The following GRAMD1B variants were observed in gnomAD, a reference collection of about 807,000 sequenced individuals.
The protein encoded by GRAMD1B is protein Aster-B.
GRAMD1B carries 37 observed loss-of-function variants against 99.7 expected under a neutral mutation model. The ratio of observed to expected loss-of-function variants is 0.37; its 90% CI spans 0.29 to 0.49. GRAMD1B has a LOEUF of 0.49. Among genes scored for constraint, GRAMD1B ranks in the 20% least tolerant of loss-of-function variants. The pLI, the probability that GRAMD1B is intolerant of heterozygous loss-of-function variation, is 0.98. For synonymous variants in GRAMD1B, 427 were observed against 387.6 expected (o/e 1.10, Z -1.19); for missense variants, 888 against 1,009.2 (o/e 0.88, Z 1.63).
intron 4 of GRAMD1B, among the ~76,000 whole-genome samples, chr11:123,590,244 A>T (rs1008503442): frequency 5.9e-5 from 9 of 152,096 alleles, no homozygotes; most frequent in Admixed American, 4.6e-4. Context: ...CGTCTCCACC[A>T]CCAGCGTGTC....
chr11:123,368,275 A>AAAAAAAAG (rs60644137), intron 1 of GRAMD1B, among the ~76,000 whole-genome samples: 16 of 127,144 alleles, frequency 1.3e-4, no homozygotes, highest in African/African-American at 3.3e-4. Flanking sequence ...AAAAAAAAAA[A>AAAAAAAAG]AAAGAAAGAA....
At chr11:123,589,614 T>TTATATATA (rs71060517) in intron 4 of GRAMD1B, among the ~76,000 whole-genome samples, 3,657 of 128,176 alleles carry the variant, frequency 0.029, 78 homozygotes, top group East Asian at 0.044. Flanking sequence ...TGGCTAATTT[T>TTATATATA]TATATATATA....
chr11:123,619,001 A>T (rs1443148071), intron 18 of GRAMD1B, 106 bp from the exon 19 acceptor site: 1 of 716,022 alleles, frequency 1.4e-6, no homozygotes, highest in East Asian at 2.7e-5. Flanking sequence ...TGAGCAGAGG[A>T]CAAAGCACTC....
intron 3 of GRAMD1B, among the ~76,000 whole-genome samples, chr11:123,580,915 T>C (rs890876506): frequency 1.2e-4 from 18 of 151,780 alleles, no homozygotes; most frequent in African/African-American, 3.6e-4. Flanking sequence ...TTTTTTTTTT[T>C]CAAATCTAAT....
At chr11:123,526,559 C>T (rs1942774765) in intron 2 of GRAMD1B, among the ~76,000 whole-genome samples, 1 of 152,186 alleles carries the variant, frequency 6.6e-6, no homozygotes, top group Non-Finnish European at 1.5e-5. Context: ...TGCAGTTGTA[C>T]TCTTCCTTAG....
intron 2 of GRAMD1B, among the ~76,000 whole-genome samples, chr11:123,557,371 G>A (rs1301085785): frequency 2.0e-5 from 3 of 152,168 alleles, no homozygotes; most frequent in Non-Finnish European, 4.4e-5. Flanking sequence ...AGGGTAGCAG[G>A]CAAATAACAT....
chr11:123,605,873 T>A (rs73029854), intron 10 of GRAMD1B, among the ~76,000 whole-genome samples: 2 of 152,194 alleles, frequency 1.3e-5, no homozygotes, highest in Non-Finnish European at 2.9e-5. Flanking sequence ...CTCATTTGGT[T>A]GATATTTGTT....
At chr11:123,502,135 T>C (rs560522964) in intron 2 of GRAMD1B, among the ~76,000 whole-genome samples, 6 of 152,342 alleles carry the variant, frequency 3.9e-5, no homozygotes, top group African/African-American at 1.4e-4. Flanking sequence ...CATAGGCTGC[T>C]AGGGATCTGT....
chr11:123,622,657 T>A lies in GRAMD1B; in HGVS notation c.*62T>A. 2.7e-6 allele frequency: 1 copy of A among 374,518 alleles called. No homozygotes were observed. Among genetic ancestry groups the A allele is most frequent in the Middle Eastern group, 5.7e-4 (1 of 1,760 alleles). The allele number at this position is 374,518 out of a possible 1,614,324, so 23.2% of individuals were successfully genotyped here. ...AATACATGTACATAGACCATATAAA[T>A]ATATATATATAAATATATATATATA... On this transcript the variant is annotated 3_prime_UTR_variant, in exon 20 of 20. Transcript: ENST00000635736.
Position 123,564,441 on chromosome 11 carries a change from A to G in GRAMD1B, c.453-12926A>G, listed in dbSNP as rs187101041. ...TAATAAAAGCGGAAGCTCAGAGAGG[A>G]GTAGTTTGTCCCCAGATCAGACATG... On this transcript the variant is annotated intron_variant, in intron 2 of 19. Transcript: ENST00000635736. Among the ~76,000 whole-genome samples the G allele has an allele frequency of 1.3e-4, 20 of 152,290 alleles. No individual in the cohort carries two copies. In the East Asian group the frequency reaches 3.9e-3, roughly 29 times the overall value.
At chr11:123,531,656 C>T (rs142124664) in intron 2 of GRAMD1B, among the ~76,000 whole-genome samples, 62 of 150,486 alleles carry the variant, frequency 4.1e-4, no homozygotes, top group African/African-American at 1.2e-3. Context: ...CTGAATTCTT[C>T]GGAAGACTGG....
chr11:123,577,657 T>G, intron 3 of GRAMD1B, 80 bp downstream of exon 3: 3 of 1,046,750 alleles, frequency 2.9e-6, no homozygotes, highest in Non-Finnish European at 4.3e-6. Context: ...CCGGAGAACA[T>G]CTGCGAGGGT....
chr11:123,446,685 A>G lies in GRAMD1B; in HGVS notation c.374+15519A>G, dbSNP rs60289005. On this transcript the variant is annotated intron_variant, in intron 1 of 19. Coordinates refer to ENST00000635736, the MANE Select transcript of GRAMD1B (RefSeq NM_001387025.1). ...CAGAGAGATGCGACTGAAAATGCAG[A>G]TAACTCAGGAGAGGTAATTCTCACG... 6.7e-3 allele frequency among the ~76,000 whole-genome samples: 1,025 copies of G among 152,268 alleles called. 13 individuals carry two copies. Among genetic ancestry groups the G allele is most frequent in the African/African-American group, 0.023 (947 of 41,550 alleles).
chr11:123,458,054 G>C (rs1005325004), intron 1 of GRAMD1B, among the ~76,000 whole-genome samples: 3 of 152,174 alleles, frequency 2.0e-5, no homozygotes, highest in African/African-American at 7.2e-5. Context: ...CTTTATGCAT[G>C]ACTCCACGAT....
intron 1 of GRAMD1B, among the ~76,000 whole-genome samples, chr11:123,412,329 T>C (rs941993988): frequency 2.0e-5 from 3 of 152,224 alleles, no homozygotes; most frequent in African/African-American, 7.2e-5. Context: ...CTAAAGCCAT[T>C]TGTTGTGTGC....
intron 1 of GRAMD1B, among the ~76,000 whole-genome samples, chr11:123,431,466 G>T (rs1948885267): frequency 6.6e-6 from 1 of 152,216 alleles, no homozygotes; most frequent in East Asian, 1.9e-4. Flanking sequence ...AATAATAACA[G>T]CTAATAGTTA....
chr11:123,547,753 T>C (rs950277675), intron 2 of GRAMD1B, among the ~76,000 whole-genome samples: 3 of 152,206 alleles, frequency 2.0e-5, no homozygotes, highest in Admixed American at 2.0e-4. Flanking sequence ...CTTTGAACAA[T>C]AGGCCTTGCC....
chr11:123,618,295 C>T, intron 17 of GRAMD1B: 1 of 1,566,038 alleles, frequency 6.4e-7, no homozygotes, highest in South Asian at 1.1e-5. Context: ...CCACACTTGC[C>T]TGTTTCTAAC....
At chr11:123,560,458 C>T (rs898271447) in intron 2 of GRAMD1B, 3 of 1,198,404 alleles carry the variant, frequency 2.5e-6, no homozygotes, top group East Asian at 5.9e-5. Context: ...AAGAAGCGCC[C>T]CCAGCTTCTG....
Sources: allele counts gnomAD v4.1 joint callset (sites outside exome capture counted in the v4.1 genomes callset), GRCh38; gene constraint gnomAD v4.1.1; transcripts MANE v1.5; gene names NCBI Gene and HGNC (gene_info 2026-07-23, HGNC 2026-07-21).